The following AGBL1 variants were observed in gnomAD, a reference collection of about 807,000 sequenced individuals.
The protein encoded by AGBL1 is AGBL carboxypeptidase 1, also known as cytosolic carboxypeptidase 4.
Under a neutral mutation model 118.9 loss-of-function variants are expected in AGBL1, and 130 were observed. The ratio of observed to expected loss-of-function variants is 1.09; its 90% confidence interval spans 0.95 to 1.26. The LOEUF (loss-of-function observed/expected upper bound fraction) is 1.26, where lower values mean the gene tolerates loss of function less well. Ranked by LOEUF, AGBL1 falls within the 50% of genes most tolerant of loss-of-function variation. The pLI, the probability that AGBL1 is intolerant of heterozygous loss-of-function variation, is 0.00. For synonymous variants in AGBL1, 555 were observed against 478.9 expected (o/e 1.16, Z -2.08); for missense variants, 1,584 against 1,298.1 (o/e 1.22, Z -3.38).
At chr15:86,640,205 A>G (rs2085168227) in intron 21 of AGBL1, among the ~76,000 whole-genome samples, 3 of 152,182 alleles carry the variant, frequency 2.0e-5, no homozygotes, top group Admixed American at 2.0e-4. Context: ...TTTAAGCTCA[A>G]CAAAATAGAC....
chr15:86,856,025 A>G (rs1025291865), intron 22 of AGBL1, among the ~76,000 whole-genome samples: 2 of 152,242 alleles, frequency 1.3e-5, no homozygotes, highest in Admixed American at 1.3e-4. Context: ...CTCCAGAGAT[A>G]AATTACTCCT....
At chr15:87,011,297 C>A (rs866690616) in intron 24 of AGBL1, among the ~76,000 whole-genome samples, 1 of 152,202 alleles carries the variant, frequency 6.6e-6, no homozygotes, top group African/African-American at 2.4e-5. Context: ...CACTCCCACA[C>A]TATCTAAATT....
At chr15:86,935,830 A>G (rs2080666320) in intron 23 of AGBL1, among the ~76,000 whole-genome samples, 1 of 152,272 alleles carries the variant, frequency 6.6e-6, no homozygotes, top group East Asian at 1.9e-4. Context: ...GGCAGCTATG[A>G]TTAGAAATGT....
intron 18 of AGBL1, among the ~76,000 whole-genome samples, chr15:86,514,448 T>C (rs944968863): frequency 1.3e-5 from 2 of 152,206 alleles, no homozygotes; most frequent in African/African-American, 4.8e-5. Context: ...AGCCAAAATT[T>C]TATTTTCTAA....
At chr15:86,656,171 G>A (rs932141595) in intron 21 of AGBL1, among the ~76,000 whole-genome samples, 2 of 152,138 alleles carry the variant, frequency 1.3e-5, no homozygotes, top group Non-Finnish European at 2.9e-5. Flanking sequence ...GGAAAGTTGT[G>A]ATTTATAGGA....
At chr15:86,136,490 A>G (rs972842914) in intron 1 of AGBL1, among the ~76,000 whole-genome samples, 6 of 152,144 alleles carry the variant, frequency 3.9e-5, no homozygotes, top group African/African-American at 1.4e-4. Flanking sequence ...ATATGTGGCA[A>G]TTGTGGGTAA....
intron 24 of AGBL1, among the ~76,000 whole-genome samples, chr15:87,001,807 G>C (rs2081441176): frequency 6.6e-6 from 1 of 151,974 alleles, no homozygotes. Flanking sequence ...CATATCCTTG[G>C]CCCACTTTTT....
intron 22 of AGBL1, among the ~76,000 whole-genome samples, chr15:86,871,867 ATGAT>A (rs556844242): frequency 6.6e-6 from 1 of 152,338 alleles, no homozygotes; most frequent in East Asian, 1.9e-4. Context: ...TGAAAATAAA[ATGAT>A]TGGTTGAATT....
At chr15:87,007,486 G>T (rs1057297438) in intron 24 of AGBL1, among the ~76,000 whole-genome samples, 2 of 152,124 alleles carry the variant, frequency 1.3e-5, no homozygotes, top group African/African-American at 4.8e-5. Flanking sequence ...TGGTATTTCT[G>T]ATTTCTTTAC....
intron 18 of AGBL1, among the ~76,000 whole-genome samples, chr15:86,458,824 C>A (rs1567002180): frequency 6.6e-6 from 1 of 152,064 alleles, no homozygotes; most frequent in African/African-American, 2.4e-5. Context: ...TAGTTAAGTG[C>A]TATGAAGAAA....
At position 86,568,564 on chromosome 15, in the gene AGBL1, G is replaced by T. The variant is rs189096989; in HGVS notation, c.2994+14027G>T. ...GAAGCATCTCATTAAATGTGTATTG[G>T]ATTAAGCAGTCTAAATCTTCTGTGA... On this transcript the variant is annotated intron_variant, in intron 21 of 22. Coordinates refer to ENST00000614907, the MANE Select transcript of AGBL1 (RefSeq NM_001386094.1). Among the ~76,000 whole-genome samples, 597 of 152,290 alleles carry T rather than the reference G, an allele frequency of 3.9e-3. 7 individuals are homozygous for T. Among genetic ancestry groups the T allele is most frequent in the Non-Finnish European group, 5.2e-3 (351 of 68,034 alleles).
At chr15:86,132,054 C>T (rs964727793) in intron 1 of AGBL1, among the ~76,000 whole-genome samples, 3 of 152,258 alleles carry the variant, frequency 2.0e-5, no homozygotes, top group Middle Eastern at 3.4e-3. Flanking sequence ...GAAAACAGCG[C>T]TTCAGATTGG....
At chr15:86,352,968 TAAA>T (rs1420950836) in intron 17 of AGBL1, among the ~76,000 whole-genome samples, 2 of 152,182 alleles carry the variant, frequency 1.3e-5, no homozygotes, top group East Asian at 3.8e-4. Flanking sequence ...TCAGAAAAAA[TAAA>T]AAGTTTTTGT....
At chr15:86,387,570 G>T (rs1428646931) in intron 17 of AGBL1, among the ~76,000 whole-genome samples, 1 of 152,186 alleles carries the variant, frequency 6.6e-6, no homozygotes, top group Non-Finnish European at 1.5e-5. Context: ...GGGCTTGAAG[G>T]TCCTGAACAT....
chr15:86,554,552 A>T lies in AGBL1; in HGVS notation c.2994+15A>T. On this transcript the variant is annotated intron_variant, in intron 21 of 22. Transcript: ENST00000614907. ...GCCCTTATCAGGTATGTGAGGCTGC[A>T]GGACACCCATACTTTCTGTCCAGCA... 1 of 1,470,710 alleles carries T rather than the reference A, an allele frequency of 6.8e-7. No individual in the cohort carries two copies. The highest frequency in any genetic ancestry group is 9.0e-7 in the Non-Finnish European group (1 of 1,111,746). 91.1% of individuals were successfully genotyped at this position (1,470,710 alleles called of 1,614,324 possible).
chr15:86,170,977 T>C (rs2077406111), intron 5 of AGBL1, among the ~76,000 whole-genome samples: 1 of 152,124 alleles, frequency 6.6e-6, no homozygotes, highest in African/African-American at 2.4e-5. Context: ...AGATTTCTTG[T>C]TGGAAACAAT....
chr15:86,211,276 T>G (rs2078092858), intron 5 of AGBL1, among the ~76,000 whole-genome samples: 1 of 152,190 alleles, frequency 6.6e-6, no homozygotes, highest in African/African-American at 2.4e-5. Flanking sequence ...TGTCTCCCAG[T>G]TAGGCTACAC....
intron 5 of AGBL1, among the ~76,000 whole-genome samples, chr15:86,172,790 G>A (rs1326393487): frequency 6.6e-6 from 1 of 152,132 alleles, no homozygotes; most frequent in Non-Finnish European, 1.5e-5. Context: ...TGGCTCTTGC[G>A]AATAGTGCTG....
intron 21 of AGBL1, among the ~76,000 whole-genome samples, chr15:86,606,742 T>C (rs1270566218): frequency 6.6e-6 from 1 of 152,188 alleles, no homozygotes; most frequent in Non-Finnish European, 1.5e-5. Flanking sequence ...CTTTCTCTCC[T>C]CCCAGCTTCC....
Sources: allele counts gnomAD v4.1 joint callset (sites outside exome capture counted in the v4.1 genomes callset), GRCh38; gene constraint gnomAD v4.1.1; transcripts MANE v1.5; gene names NCBI Gene and HGNC (gene_info 2026-07-23, HGNC 2026-07-21).